The following CCNH variants were observed in gnomAD, a reference collection of about 807,000 sequenced individuals.
The protein encoded by CCNH is cyclin-H.
CCNH carries 31 observed loss-of-function variants against 41.9 expected under a neutral mutation model. The observed-to-expected ratio is 0.74, with a 90% CI of 0.56 to 1.00. The LOEUF (loss-of-function observed/expected upper bound fraction) is 1.00, where lower values mean the gene tolerates loss of function less well. Ranked by LOEUF, CCNH falls within the 50% of genes least tolerant of loss-of-function variation. The pLI is 0.00. For missense variants in CCNH, 362 were observed against 388.4 expected, an observed-to-expected ratio of 0.93 and a Z score of 0.57; for synonymous variants, 138 against 136.1, an observed-to-expected ratio of 1.01 and a Z score of -0.10.
downstream of CCNH, chr5:87,374,982 T>C: frequency 1.3e-6 from 2 of 1,537,652 alleles, no homozygotes; most frequent in South Asian, 1.2e-5. Context: ...AAATTCACAA[T>C]GAAAGTCTTA....
downstream of CCNH, chr5:87,376,197 C>A (rs139647846): frequency 2.2e-4 from 139 of 645,748 alleles, no homozygotes; most frequent in African/African-American, 1.7e-3. Flanking sequence ...TCTGTACTCT[C>A]TACCTATCAG....
intron 9 of CCNH, among the ~76,000 whole-genome samples, chr5:87,334,947 G>A (rs577748983): frequency 6.6e-6 from 1 of 151,584 alleles, no homozygotes; most frequent in African/African-American, 2.4e-5. Flanking sequence ...GCAGTGGCAC[G>A]ATCTTGCCTC....
chr5:87,340,395 A>G (rs1289268293), intron 9 of CCNH, among the ~76,000 whole-genome samples: 7 of 152,194 alleles, frequency 4.6e-5, no homozygotes, highest in Non-Finnish European at 1.0e-4. Flanking sequence ...CAGTGACACA[A>G]TGATAATGCT....
intron 9 of CCNH, among the ~76,000 whole-genome samples, chr5:87,361,233 A>G (rs1395552370): frequency 6.6e-6 from 1 of 152,214 alleles, no homozygotes. Flanking sequence ...TTTATGTATA[A>G]AAAACAGGTG....
Position 87,399,420 on chromosome 5 carries a change from A to C in CCNH, c.846T>G (p.Ser282=). The part of the protein sequence containing the change: ...VLKQKLERCH[S]AELALNVITK... ...TGATTACGTTAAGTGCAAGCTCAGC[A>C]GAATGACATCGCTCCAACTTCTGTT... The change falls in exon 7 of 9, where the codon TCT becomes TCG. Residue 282 remains serine (S), a synonymous_variant. Transcript: ENST00000256897. 6.2e-7 allele frequency: 1 copy of C among 1,613,640 alleles called. No individual in the cohort carries two copies. Among genetic ancestry groups the C allele is most frequent in the Non-Finnish European group, 8.5e-7 (1 of 1,179,546 alleles).
chr5:87,367,390 G>A (rs1464930585), intron 9 of CCNH, among the ~76,000 whole-genome samples: 4 of 152,184 alleles, frequency 2.6e-5, no homozygotes, highest in Admixed American at 2.6e-4. Flanking sequence ...CTGATATGCT[G>A]ACCTTTAGCA....
chr5:87,346,573 C>A, intron 9 of CCNH: 2 of 645,782 alleles, frequency 3.1e-6, no homozygotes, highest in Non-Finnish European at 2.6e-6. Context: ...TTTATTTTAT[C>A]ACTTTGAATT....
At chr5:87,376,260 T>A in exon 1 of CCNH, 1 of 985,708 alleles carries the variant, frequency 1.0e-6, no homozygotes, top group Non-Finnish European at 1.5e-6. Context: ...ATTGAATTTG[T>A]GATGTTACTG....
At chr5:87,387,918 A>T (rs1043555837), downstream of CCNH, among the ~76,000 whole-genome samples, 3 of 152,194 alleles carry the variant, frequency 2.0e-5, no homozygotes, top group Admixed American at 6.5e-5. Context: ...GTGAGAAGTT[A>T]TGCCACACAA....
downstream of CCNH, among the ~76,000 whole-genome samples, chr5:87,372,956 C>T (rs1761056600): frequency 6.6e-6 from 1 of 152,128 alleles, no homozygotes; most frequent in Non-Finnish European, 1.5e-5. Flanking sequence ...AACCCAAAGT[C>T]TGGCTCTTCC....
chr5:87,322,683 A>G (rs1033701509), intron 9 of CCNH, among the ~76,000 whole-genome samples: 4 of 152,208 alleles, frequency 2.6e-5, no homozygotes, highest in Non-Finnish European at 5.9e-5. Context: ...ATGAGCCGCA[A>G]TAAACCACTT....
chr5:87,412,525 G>T (rs542269981), intron 1 of CCNH, 153 bp downstream of exon 1: 145 of 1,442,176 alleles, frequency 1.0e-4, no homozygotes, highest in Non-Finnish European at 1.3e-4. Flanking sequence ...ACGGAACCTG[G>T]CAAGGTGCTC....
intron 2 of CCNH, among the ~76,000 whole-genome samples, chr5:87,410,220 G>A (rs1319129520): frequency 6.6e-6 from 1 of 152,068 alleles, no homozygotes; most frequent in African/African-American, 2.4e-5. Flanking sequence ...ATTCACCAAT[G>A]ATAAACATGT....
intron 9 of CCNH, among the ~76,000 whole-genome samples, chr5:87,350,597 G>A (rs995069628): frequency 6.6e-6 from 1 of 151,136 alleles, no homozygotes; most frequent in African/African-American, 2.4e-5. Flanking sequence ...GGAGGAAGTC[G>A]GTAAAACATG....
At chr5:87,376,055 G>T (rs1315250917), downstream of CCNH, among the ~76,000 whole-genome samples, 1 of 152,082 alleles carries the variant, frequency 6.6e-6, no homozygotes, top group Non-Finnish European at 1.5e-5. Context: ...GGCTGAATTA[G>T]ATATTATTTC....
downstream of CCNH, chr5:87,389,307 G>A: frequency 1.3e-6 from 2 of 1,539,702 alleles, no homozygotes; most frequent in Non-Finnish European, 1.8e-6. Context: ...TTTCAGCCTG[G>A]GCAACAAGAG....
intron 9 of CCNH, among the ~76,000 whole-genome samples, chr5:87,360,376 G>A (rs887876325): frequency 2.6e-5 from 4 of 152,190 alleles, no homozygotes; most frequent in South Asian, 2.1e-4. Context: ...TGCCCGCCTC[G>A]GCCTCCTAAA....
intron 9 of CCNH, among the ~76,000 whole-genome samples, chr5:87,344,888 A>C (rs1467373606): frequency 8.6e-5 from 13 of 151,896 alleles, no homozygotes; most frequent in African/African-American, 2.9e-4. Flanking sequence ...TAGCTCATTC[A>C]TCACTTCCCC....
At chr5:87,324,991 C>A (rs1270579582) in intron 9 of CCNH, among the ~76,000 whole-genome samples, 3 of 151,688 alleles carry the variant, frequency 2.0e-5, no homozygotes, top group Admixed American at 1.3e-4. Flanking sequence ...TGTATTAGTT[C>A]ATTCTCATGA....
Sources: gnomAD v4.1 joint callset for allele counts (sites outside exome capture counted in the v4.1 genomes callset) on GRCh38, gnomAD v4.1.1 for gene constraint, MANE v1.5 for transcripts, NCBI Gene and HGNC (gene_info 2026-07-23, HGNC 2026-07-21) for gene names.